The following PCDHGB2 variants were observed in gnomAD, a reference collection of about 807,000 sequenced individuals.
PCDHGB2 encodes protocadherin gamma subfamily B, 2, also known as protocadherin gamma-B2.
Under a neutral mutation model 59.3 loss-of-function variants are expected in PCDHGB2, and 55 were observed. The ratio of observed to expected loss-of-function variants is 0.93; its 90% CI spans 0.75 to 1.16. The LOEUF (loss-of-function observed/expected upper bound fraction) is 1.16, where lower values mean the gene tolerates loss of function less well. PCDHGB2 is among the 50% of genes most tolerant of loss of function. PCDHGB2 has a pLI of 0.00. For missense variants in PCDHGB2, 1,228 were observed against 1,198.5 expected, an observed-to-expected ratio of 1.02 and a Z score of -0.36; for synonymous variants, 516 against 512.0, an observed-to-expected ratio of 1.01 and a Z score of -0.11.
Position 141,432,108 on chromosome 5 carries a change from C to G in PCDHGB2, c.2422-62699C>G. ...GTGGCAGACACCAACGACAACCCGC[C>G]GGTCTTCCCTCAGGCCTCCTATTCC... On this transcript the variant is annotated intron_variant, in intron 1 of 3. Coordinates refer to ENST00000522605, the MANE Select transcript of PCDHGB2 (RefSeq NM_018923.3). The surrounding 1 kb of genome is among the most constrained non-coding windows in gnomAD (Gnocchi z 6.0). 4 of 1,614,180 alleles carry G rather than the reference C, an allele frequency of 2.5e-6. No homozygotes were observed. The highest frequency in any genetic ancestry group is 3.4e-6 in the Non-Finnish European group (4 of 1,180,046).
chr5:141,490,605 C>A lies in PCDHGB2; in HGVS notation c.2422-4202C>A. On this transcript the variant is annotated intron_variant, in intron 1 of 3. Transcript: ENST00000522605. The surrounding 1 kb of genome is among the most constrained non-coding windows in gnomAD (Gnocchi z 5.4). ...TCAATGACAATGCACCCCGCTTCAA[C>A]CAGCAGCTTTACACTGCTTACATCC... 6.2e-6 allele frequency: 10 copies of A among 1,614,198 alleles called. No individual in the cohort carries two copies. The highest frequency in any genetic ancestry group is 8.5e-6 in the Non-Finnish European group (10 of 1,180,030).
At chr5:141,393,124 T>C in intron 1 of PCDHGB2, 2 of 1,613,430 alleles carry the variant, frequency 1.2e-6, no homozygotes. Flanking sequence ...CGGTGTCTGA[T>C]AAATATTAAC....
chr5:141,371,675 A>T (rs1373502908), intron 1 of PCDHGB2: 3 of 1,614,002 alleles, frequency 1.9e-6, no homozygotes, highest in South Asian at 2.2e-5. Context: ...CTACCGACAA[A>T]GGCAATCCAC....
At chr5:141,388,824 T>G (rs760173455) in intron 1 of PCDHGB2, 1 of 1,613,960 alleles carries the variant, frequency 6.2e-7, no homozygotes, top group East Asian at 2.2e-5. Flanking sequence ...CAAAGAATAT[T>G]CCATAGTTTT....
intron 3 of PCDHGB2, among the ~76,000 whole-genome samples, chr5:141,505,956 T>C (rs1177913983): frequency 6.6e-6 from 1 of 152,102 alleles, no homozygotes; most frequent in Non-Finnish European, 1.5e-5. Flanking sequence ...TGAAAGTGGG[T>C]GTAGAAATCC....
At chr5:141,399,588 C>A (rs2093842272) in intron 1 of PCDHGB2, 1 of 1,613,894 alleles carries the variant, frequency 6.2e-7, no homozygotes, top group South Asian at 1.1e-5. Context: ...CCTACTCTAT[C>A]ATGGCCAGCG....
At chr5:141,455,537 A>G (rs1158681837) in intron 1 of PCDHGB2, among the ~76,000 whole-genome samples, 2 of 152,162 alleles carry the variant, frequency 1.3e-5, no homozygotes, top group Non-Finnish European at 2.9e-5. Flanking sequence ...CAGGCATATC[A>G]TTCACGTAGC....
Position 141,490,320 on chromosome 5 carries a change from A to G in PCDHGB2, c.2422-4487A>G. The G allele has an allele frequency of 6.2e-7, 1 of 1,614,228 alleles. No individual in the cohort carries two copies. The highest frequency in any genetic ancestry group is 1.1e-5 in the South Asian group (1 of 91,088). ...TGGCCTCTTTGGCCAACCCTGTCCT[A>G]GAGAGCACACCAGTGGGCACAGTAG... On this transcript the variant is annotated intron_variant, in intron 1 of 3. Transcript: ENST00000522605. The surrounding 1 kb of genome is among the most constrained non-coding windows in gnomAD (Gnocchi z 5.4).
At chr5:141,370,663 T>C (rs1319897209) in intron 1 of PCDHGB2, 1 of 1,613,900 alleles carries the variant, frequency 6.2e-7, no homozygotes, top group East Asian at 2.2e-5. Flanking sequence ...AGCGACCGTA[T>C]AGACCGAGAG....
chr5:141,372,112 C>A (rs1170751793), intron 1 of PCDHGB2: 7 of 1,613,708 alleles, frequency 4.3e-6, no homozygotes, highest in South Asian at 1.1e-5. Flanking sequence ...GAAGGCTCTG[C>A]GCTCTTCGAT....
chr5:141,413,211 G>A, intron 1 of PCDHGB2: 1 of 1,613,214 alleles, frequency 6.2e-7, no homozygotes, highest in South Asian at 1.1e-5. Context: ...AGGAATCAAA[G>A]GATTGCAGCG....
Position 141,362,471 on chromosome 5 carries a change from ATCTCG to A in PCDHGB2, c.2340_2344del (p.Val781Ter). 1 of 1,614,018 alleles carries A rather than the reference ATCTCG, an allele frequency of 6.2e-7. No individual in the cohort carries two copies. The highest frequency in any genetic ancestry group is 8.5e-7 in the Non-Finnish European group (1 of 1,179,886). On this transcript the variant is annotated frameshift_variant, in exon 1 of 4. Coordinates refer to ENST00000522605, the MANE Select transcript of PCDHGB2 (RefSeq NM_018923.3). LOFTEE classifies it high-confidence loss of function. ...ACCCCGGAATTGGTTCCCGCGCAAGATCTCGTCTGTGACAATGCCTCTTGGGAACA... is the reference window on the plus strand; with the variant it reads ...ACCCCGGAATTGGTTCCCGCGCAAGATCTGTGACAATGCCTCTTGGGAACA...
rs115607451 is a variant in PCDHGB2, at chr5:141,508,636, A to C, written c.2570-2311A>C. Among the ~76,000 whole-genome samples, 998 of 151,746 alleles carry C rather than the reference A, an allele frequency of 6.6e-3. 12 individuals are homozygous for C. The highest frequency in any genetic ancestry group is 0.023 in the African/African-American group (958 of 41,372). ...ACGTGGGTGGGCCGAGCTTCTAGCT[A>C]CTCCGTCAGGCCCTTCCTGTCATTC... On this transcript the variant is annotated intron_variant, in intron 3 of 3. Transcript: ENST00000522605.
intron 1 of PCDHGB2, chr5:141,364,242 G>T (rs192201180): frequency 1.4e-6 from 2 of 1,451,340 alleles, no homozygotes; most frequent in South Asian, 3.0e-5. Context: ...GCCCATTTTC[G>T]TCAGGGAATA....
At chr5:141,503,387 G>A (rs975079596) in intron 2 of PCDHGB2, among the ~76,000 whole-genome samples, 24 of 152,068 alleles carry the variant, frequency 1.6e-4, no homozygotes, top group Middle Eastern at 3.4e-3. Flanking sequence ...ATGAGGTCAG[G>A]AGTTCGAAAC....
chr5:141,428,846 A>G (rs936271540), intron 1 of PCDHGB2: 1 of 143,414 alleles, frequency 7.0e-6, no homozygotes, highest in Non-Finnish European at 1.5e-5. Flanking sequence ...CATTTTCACC[A>G]TTTTTACGGG....
chr5:141,408,667 C>T, intron 1 of PCDHGB2: 1 of 1,613,954 alleles, frequency 6.2e-7, no homozygotes, highest in Non-Finnish European at 8.5e-7. Flanking sequence ...TATCGCTTGA[C>T]CCTGCCACGG....
intron 1 of PCDHGB2, chr5:141,394,624 T>C (rs542816387): frequency 6.2e-7 from 1 of 1,613,110 alleles, no homozygotes; most frequent in African/African-American, 1.3e-5. Flanking sequence ...AACGCCTGGC[T>C]GTCCTACCGC....
intron 1 of PCDHGB2, among the ~76,000 whole-genome samples, chr5:141,468,921 G>A (rs1254189500): frequency 6.6e-6 from 1 of 151,342 alleles, no homozygotes; most frequent in African/African-American, 2.4e-5. Context: ...GAAGAGAATA[G>A]CACTAAAATG....
Sources: gnomAD v4.1 joint callset for allele counts (sites outside exome capture counted in the v4.1 genomes callset) on GRCh38, gnomAD v4.1.1 for gene constraint, Gnocchi (gnomAD v3.1) non-coding constraint, MANE v1.5 for transcripts, NCBI Gene and HGNC (gene_info 2026-07-23, HGNC 2026-07-21) for gene names.